Variants in IL1RAPL1 observed in about 807,000 individuals in gnomAD.
IL1RAPL1 encodes the protein interleukin 1 receptor accessory protein like 1.
IL1RAPL1 carries 3 observed loss-of-function variants against 48.4 expected under a neutral mutation model. That is an observed-to-expected ratio of 0.06 (90% CI 0.03 to 0.16). The LOEUF (loss-of-function observed/expected upper bound fraction) is 0.16. IL1RAPL1 is among the 10% of genes least tolerant of loss of function. The pLI is 1.00. For synonymous variants in IL1RAPL1, 185 were observed against 187.7 expected (o/e 0.99, Z 0.12); for missense variants, 349 against 530.6 (o/e 0.66, Z 3.36).
chrX:28,924,361 C>A (rs184931143), intron 2 of IL1RAPL1, among the ~76,000 whole-genome samples: 1 of 111,695 alleles, frequency 9.0e-6, no homozygotes, highest in Non-Finnish European at 1.9e-5. Flanking sequence ...CTTTAATACC[C>A]ATTAATGAGT....
At chrX:29,832,991 T>A (rs928977490) in intron 6 of IL1RAPL1, among the ~76,000 whole-genome samples, 1 of 111,311 alleles carries the variant, frequency 9.0e-6, no homozygotes, top group African/African-American at 3.3e-5. Context: ...TTGTTTCTGA[T>A]GAAGTAGAAC....
chrX:28,979,328 GT>G (rs1050046251), intron 2 of IL1RAPL1, among the ~76,000 whole-genome samples: 10 of 111,989 alleles, frequency 8.9e-5, no homozygotes, highest in African/African-American at 3.2e-4. Flanking sequence ...ATGCAACAAT[GT>G]TAATTTTCTT....
chrX:29,786,383 A>G (rs1193136790), intron 6 of IL1RAPL1, among the ~76,000 whole-genome samples: 1 of 111,279 alleles, frequency 9.0e-6, no homozygotes, highest in Non-Finnish European at 1.9e-5. Context: ...TAGAAGAAAG[A>G]GTGAATGCAA....
At chrX:28,684,846 T>C (rs1935094952) in intron 1 of IL1RAPL1, among the ~76,000 whole-genome samples, 1 of 112,252 alleles carries the variant, frequency 8.9e-6, no homozygotes, top group Non-Finnish European at 1.9e-5. Context: ...AAGTGAAACT[T>C]GTGGTTTTAA....
At chrX:29,328,369 T>C (rs181270442) in intron 3 of IL1RAPL1, among the ~76,000 whole-genome samples, 2 of 110,995 alleles carry the variant, frequency 1.8e-5, no homozygotes, top group Non-Finnish European at 3.8e-5. Flanking sequence ...TAAGAAGATA[T>C]CCCAAAATAT....
chrX:29,700,769 C>CAA (rs1395645684), intron 6 of IL1RAPL1, among the ~76,000 whole-genome samples: 1 of 111,358 alleles, frequency 9.0e-6, no homozygotes, highest in African/African-American at 3.3e-5. Flanking sequence ...GAACTGCCTG[C>CAA]AATTATTGTT....
intron 6 of IL1RAPL1, among the ~76,000 whole-genome samples, chrX:29,798,651 A>G (rs1184517103): frequency 8.9e-6 from 1 of 111,987 alleles, no homozygotes; most frequent in African/African-American, 3.2e-5. Context: ...TAATAGGGCA[A>G]TTTTAAACCA....
At chrX:29,655,225 A>G (rs1441163372) in intron 5 of IL1RAPL1, among the ~76,000 whole-genome samples, 2 of 112,370 alleles carry the variant, frequency 1.8e-5, no homozygotes, top group Non-Finnish European at 3.8e-5. Flanking sequence ...CTAATGAAGT[A>G]CATTAAATTT....
chrX:28,878,926 T>C (rs1409969542), intron 2 of IL1RAPL1, among the ~76,000 whole-genome samples: 7 of 111,457 alleles, frequency 6.3e-5, no homozygotes, highest in Non-Finnish European at 1.3e-4. Flanking sequence ...AAATTGAGAC[T>C]TGGAAAGGCC....
intron 6 of IL1RAPL1, among the ~76,000 whole-genome samples, chrX:29,757,403 A>G (rs1928645195): frequency 8.9e-6 from 1 of 111,817 alleles, no homozygotes; most frequent in Admixed American, 9.5e-5. Context: ...TATAATATGG[A>G]GCTATTTCTT....
At chrX:29,936,812 CACTTTATTTTAATTAGCT>C (rs1204524261) in intron 8 of IL1RAPL1, among the ~76,000 whole-genome samples, 1 of 111,488 alleles carries the variant, frequency 9.0e-6, no homozygotes, top group Non-Finnish European at 1.9e-5. Context: ...AGATGGCACG[CACTTTATTTTAATTAGCT>C]GTTTCTTTTA....
intron 3 of IL1RAPL1, among the ~76,000 whole-genome samples, chrX:29,333,951 C>T (rs866512141): frequency 3.2e-3 from 170 of 53,208 alleles, no homozygotes; most frequent in African/African-American, 8.5e-3. Flanking sequence ...CCCTCCCGGA[C>T]GGGGCGGCTG....
At chrX:29,338,838 A>C (rs191959915) in intron 3 of IL1RAPL1, among the ~76,000 whole-genome samples, 55 of 110,253 alleles carry the variant, frequency 5.0e-4, no homozygotes, top group Admixed American at 1.5e-3. Context: ...TCAGACTTAC[A>C]TGATTCTTGG....
At chrX:29,613,883 C>G (rs1483510830) in intron 5 of IL1RAPL1, among the ~76,000 whole-genome samples, 1 of 106,210 alleles carries the variant, frequency 9.4e-6, no homozygotes, top group Non-Finnish European at 1.9e-5. Context: ...CCTGCCTCAG[C>G]CTCCCGAGTA....
chrX:29,136,263 G>A (rs998609343), intron 2 of IL1RAPL1, among the ~76,000 whole-genome samples: 1 of 108,571 alleles, frequency 9.2e-6, no homozygotes, highest in Admixed American at 9.9e-5. Flanking sequence ...CAGTAGCTGG[G>A]ATTATAGGCA....
intron 5 of IL1RAPL1, among the ~76,000 whole-genome samples, chrX:29,532,295 G>T (rs769898978): frequency 1.8e-5 from 2 of 112,040 alleles, no homozygotes; most frequent in Non-Finnish European, 1.9e-5. Flanking sequence ...GTGAGCTAAG[G>T]TTGGGAGGAA....
chrX:29,573,166 T>C (rs1007502945), intron 5 of IL1RAPL1, among the ~76,000 whole-genome samples: 12 of 111,888 alleles, frequency 1.1e-4, no homozygotes, highest in African/African-American at 3.9e-4. Flanking sequence ...AGGGCATTAA[T>C]CCCATTCAGG....
intron 3 of IL1RAPL1, among the ~76,000 whole-genome samples, chrX:29,340,253 A>G (rs73631650): frequency 0.072 from 7,956 of 111,174 alleles, 719 homozygotes; most frequent in African/African-American, 0.25. Flanking sequence ...GCGCTGGGCA[A>G]CTACCATCTC....
At chrX:28,906,306 A>G (rs1291800871) in intron 2 of IL1RAPL1, among the ~76,000 whole-genome samples, 1 of 112,444 alleles carries the variant, frequency 8.9e-6, no homozygotes, top group Non-Finnish European at 1.9e-5. Context: ...CATATCAGCA[A>G]GGGAAGAAAC....
Sources: allele counts gnomAD v4.1 joint callset (sites outside exome capture counted in the v4.1 genomes callset), GRCh38; gene constraint gnomAD v4.1.1; transcripts MANE v1.5; gene names NCBI Gene and HGNC (gene_info 2026-07-23, HGNC 2026-07-21).